FOXK1: variants seen among roughly 807,000 people sequenced by gnomAD.
FOXK1 encodes forkhead box protein K1.
In FOXK1, 19 loss-of-function variants were observed where a neutral mutation model predicts 51.9. The ratio of observed to expected loss-of-function variants is 0.37; its 90% CI spans 0.26 to 0.54. The LOEUF (loss-of-function observed/expected upper bound fraction) is 0.54, where lower values mean the gene tolerates loss of function less well. FOXK1 is among the 20% of genes least tolerant of loss of function. FOXK1 has a pLI of 0.87. For missense variants in FOXK1, 870 were observed against 1,032.7 expected (o/e 0.84, Z 2.16); for synonymous variants, 537 against 482.6 (o/e 1.11, Z -1.48).
intron 1 of FOXK1, among the ~76,000 whole-genome samples, chr7:4,695,587 A>G (rs1779941412): frequency 6.6e-6 from 1 of 151,900 alleles, no homozygotes; most frequent in African/African-American, 2.4e-5. Context: ...AGAGGATCAC[A>G]GGTCAGGAGT....
At chr7:4,746,229 T>C (rs888556837) in intron 2 of FOXK1, among the ~76,000 whole-genome samples, 6 of 152,236 alleles carry the variant, frequency 3.9e-5, no homozygotes, top group African/African-American at 1.4e-4. Context: ...CTTTTAATCA[T>C]GATTTTTAAA....
At chr7:4,727,616 A>G (rs1486005042) in intron 1 of FOXK1, among the ~76,000 whole-genome samples, 1 of 152,090 alleles carries the variant, frequency 6.6e-6, no homozygotes, top group Non-Finnish European at 1.5e-5. Flanking sequence ...GCCCGGCCTG[A>G]TTTTGCAGGT....
chr7:4,730,515 G>C lies in FOXK1; in HGVS notation c.561-10323G>C, dbSNP rs1311021122. Among the ~76,000 whole-genome samples, 1 of 152,238 alleles carries C rather than the reference G, an allele frequency of 6.6e-6. No individual in the cohort carries two copies. The highest frequency in any genetic ancestry group is 2.1e-4 in the South Asian group (1 of 4,836). ...TTGCAGGCACCAGTGCTGGTTCCGT[G>C]TCTGTCGGGGAGGGGATGGACGTTT... On this transcript the variant is annotated intron_variant, in intron 1 of 8. Coordinates refer to ENST00000328914, the MANE Select transcript of FOXK1 (RefSeq NM_001037165.2). This position sits in a 1 kb window ranked among gnomAD's most constrained non-coding sequence, Gnocchi z 4.7.
chr7:4,760,508 G>A (rs539758056), intron 7 of FOXK1, among the ~76,000 whole-genome samples: 1 of 152,312 alleles, frequency 6.6e-6, no homozygotes, highest in East Asian at 1.9e-4. Flanking sequence ...CAAGTAATAC[G>A]TTTTCTTTCT....
At chr7:4,689,557 A>G (rs1328821256) in intron 1 of FOXK1, among the ~76,000 whole-genome samples, 1 of 152,198 alleles carries the variant, frequency 6.6e-6, no homozygotes, top group Non-Finnish European at 1.5e-5. Flanking sequence ...GAACCTTGTT[A>G]CGACGTCGCA....
rs918614488 is a variant in FOXK1 at position 4,731,352 on chromosome 7, G to A, written c.561-9486G>A. Among the ~76,000 whole-genome samples, 42 of 152,234 alleles carry A rather than the reference G, an allele frequency of 2.8e-4. No individual in the cohort carries two copies. Among genetic ancestry groups the A allele is most frequent in the African/African-American group, 6.0e-4 (25 of 41,466 alleles). On this transcript the variant is annotated intron_variant, in intron 1 of 8. Coordinates refer to ENST00000328914, the MANE Select transcript of FOXK1 (RefSeq NM_001037165.2). The surrounding 1 kb of genome is among the most constrained non-coding windows in gnomAD (Gnocchi z 5.3). ...ACTTTATCGGGTATCCTAAAGACAC[G>A]TTGCAGCCTGCAAAATTCGAAAAGT...
At position 4,711,924 on chromosome 7, in the gene FOXK1, G is replaced by A. The variant is rs1465434875; in HGVS notation, c.561-28914G>A. Among the ~76,000 whole-genome samples the A allele has an allele frequency of 2.6e-5, 4 of 152,154 alleles. No homozygotes were observed. The highest frequency in any genetic ancestry group is 6.3e-3 in the Middle Eastern group (2 of 316). ...GACTATGACTCAAGGTTGAGATGGG[G>A]CAGGGACTCCGGGGGAGGGGCAGAG... On this transcript the variant is annotated intron_variant, in intron 1 of 8. Transcript: ENST00000328914. The surrounding 1 kb of genome is among the most constrained non-coding windows in gnomAD (Gnocchi z 6.3).
Position 4,715,398 on chromosome 7 carries a change from G to A in FOXK1, c.561-25440G>A, listed in dbSNP as rs999463976. ...GTGGCCCGTGTACAGGAATGGGATCGCACGGTGGTCCAGATCGTCTGTGCA... is the reference window on the plus strand; with the variant it reads ...GTGGCCCGTGTACAGGAATGGGATCACACGGTGGTCCAGATCGTCTGTGCA... On this transcript the variant is annotated intron_variant, in intron 1 of 8. Coordinates refer to ENST00000328914, the MANE Select transcript of FOXK1 (RefSeq NM_001037165.2). The surrounding 1 kb of genome is among the most constrained non-coding windows in gnomAD (Gnocchi z 4.5). Among the ~76,000 whole-genome samples the A allele has an allele frequency of 1.3e-5, 2 of 152,106 alleles. No individual in the cohort carries two copies. The highest frequency in any genetic ancestry group is 1.3e-4 in the Admixed American group (2 of 15,266).
At chr7:4,728,325 A>T (rs114942942) in intron 1 of FOXK1, among the ~76,000 whole-genome samples, 107 of 152,354 alleles carry the variant, frequency 7.0e-4, no homozygotes, top group African/African-American at 2.5e-3. Flanking sequence ...GGAATTTCCA[A>T]AGAGCACCCA....
Position 4,770,864 on chromosome 7 carries a change from GGTGTGTGTGTGTGTGTGTGTGT to G in FOXK1, c.*8417_*8438del, listed in dbSNP as rs56204828. On this transcript the variant is annotated 3_prime_UTR_variant, in exon 9 of 9. Transcript: ENST00000328914. ...AATTTGGGAGGGGCGGGTGTTGTTC[GGTGTGTGTGTGTGTGTGTGTGT>G]GTGTGTGTGTGTGTGTATTTTTTTT... The G allele has an allele frequency of 1.4e-5, 2 of 140,368 alleles. No homozygotes were observed. The highest frequency in any genetic ancestry group is 2.1e-4 in the East Asian group (1 of 4,850). The allele number at this position is 140,368 out of a possible 1,614,324, so 8.7% of individuals were successfully genotyped here.
intron 1 of FOXK1, among the ~76,000 whole-genome samples, chr7:4,717,907 A>G (rs1362236822): frequency 2.6e-5 from 4 of 152,270 alleles, no homozygotes; most frequent in Admixed American, 6.5e-5. Flanking sequence ...TTTCTATTGT[A>G]AAAGTGGGAG....
At chr7:4,698,312 GTATA>G (rs992394596) in intron 1 of FOXK1, among the ~76,000 whole-genome samples, 4 of 147,022 alleles carry the variant, frequency 2.7e-5, no homozygotes, top group Admixed American at 6.8e-5. Context: ...GTATGTGTGT[GTATA>G]TATATATATA....
chr7:4,756,177 C>T lies in FOXK1; in HGVS notation c.1050+794C>T, dbSNP rs1189185992. 4.6e-5 allele frequency among the ~76,000 whole-genome samples: 7 copies of T among 152,132 alleles called. No individual in the cohort carries two copies. The highest frequency in any genetic ancestry group is 1.9e-4 in the East Asian group (1 of 5,152). On this transcript the variant is annotated intron_variant, in intron 4 of 8. Transcript: ENST00000328914. The surrounding 1 kb of genome is among the most constrained non-coding windows in gnomAD (Gnocchi z 4.1). ...CCATCCCGGCTGGAGTGTGGTGGCGCGATCTCAGCTCACTGCAACCTTCGC... is the reference window on the plus strand; with the variant it reads ...CCATCCCGGCTGGAGTGTGGTGGCGTGATCTCAGCTCACTGCAACCTTCGC...
rs1363645551 is a variant in FOXK1 at position 4,753,046 on chromosome 7, C to T, written c.747-1413C>T. Among the ~76,000 whole-genome samples the T allele has an allele frequency of 1.3e-5, 2 of 152,186 alleles. No individual in the cohort carries two copies. The highest frequency in any genetic ancestry group is 2.4e-5 in the African/African-American group (1 of 41,448). The stretch of plus-strand genomic sequence containing the variant: ...GTGGGTGTTCATTTAAGTTTCGACA[C>T]GTGTGGAACTTACCTATCTCTGCCA... On this transcript the variant is annotated intron_variant, in intron 2 of 8. Coordinates refer to ENST00000328914, the MANE Select transcript of FOXK1 (RefSeq NM_001037165.2). The surrounding 1 kb of genome is among the most constrained non-coding windows in gnomAD (Gnocchi z 4.9).
rs755396343 is a variant in FOXK1, at chr7:4,755,276, G to A, written c.943G>A (p.Val315Met). Residue 315 changes from valine to methionine, a missense_variant, in exon 4 of 9, where the codon GTG becomes ATG. Coordinates refer to ENST00000328914, the MANE Select transcript of FOXK1 (RefSeq NM_001037165.2). This position sits in a 1 kb window ranked among gnomAD's most constrained non-coding sequence, Gnocchi z 6.6. ...GCCGTTCTCCTACGCGCAGCTGATCGTGCAGGCCATCTCCTCCGCCCAGGA... is the reference window on the plus strand; with the variant it reads ...GCCGTTCTCCTACGCGCAGCTGATCATGCAGGCCATCTCCTCCGCCCAGGA... ...KPPFSYAQLIVQAISSAQDRQ... is the reference protein window; with the variant it reads ...KPPFSYAQLIMQAISSAQDRQ... The A allele has an allele frequency of 6.8e-6, 11 of 1,613,938 alleles. No homozygotes were observed. Among genetic ancestry groups the A allele is most frequent in the East Asian group, 2.2e-5 (1 of 44,894 alleles).
chr7:4,738,696 C>G (rs2115059721), intron 1 of FOXK1, among the ~76,000 whole-genome samples: 1 of 152,288 alleles, frequency 6.6e-6, no homozygotes, highest in African/African-American at 2.4e-5. Context: ...AGCTTCTCAT[C>G]TTGGAAACAG....
At position 4,762,526 on chromosome 7, in the gene FOXK1, A is replaced by G; in HGVS notation, c.*62A>G. 5 of 1,475,848 alleles carry G rather than the reference A, an allele frequency of 3.4e-6. No homozygotes were observed. The highest frequency in any genetic ancestry group is 4.5e-6 in the Non-Finnish European group (5 of 1,104,142). 91.4% of individuals were successfully genotyped at this position (1,475,848 alleles called of 1,614,324 possible). On this transcript the variant is annotated 3_prime_UTR_variant, in exon 9 of 9. Coordinates refer to ENST00000328914, the MANE Select transcript of FOXK1 (RefSeq NM_001037165.2). This position sits in a 1 kb window ranked among gnomAD's most constrained non-coding sequence, Gnocchi z 5.7. ...CGGCGACCCCGAAGCTGGACCCGGC[A>G]GCTCAGGCGGCCGCACCCACAGACG...
rs905712560 is a variant in FOXK1 at position 4,761,846 on chromosome 7, T to A, written c.1922-338T>A. On this transcript the variant is annotated intron_variant, in intron 8 of 8. Transcript: ENST00000328914. The surrounding 1 kb of genome is among the most constrained non-coding windows in gnomAD (Gnocchi z 6.2). ...GGGGTGCAAGGGTGCTGGGCGGGGG[T>A]GCAGGGTACCAGGGCACCGGGCGCA... 6.1e-4 allele frequency among the ~76,000 whole-genome samples: 92 copies of A among 151,510 alleles called. No homozygotes were observed. Among genetic ancestry groups the A allele is most frequent in the Admixed American group, 5.0e-3 (76 of 15,210 alleles).
intron 1 of FOXK1, among the ~76,000 whole-genome samples, chr7:4,699,657 C>T (rs764320601): frequency 1.3e-5 from 2 of 152,088 alleles, no homozygotes; most frequent in Admixed American, 6.6e-5. Context: ...CATGAGCCAC[C>T]GCACCTGGCC....
Sources: gnomAD v4.1 joint callset for allele counts (sites outside exome capture counted in the v4.1 genomes callset) on GRCh38, gnomAD v4.1.1 for gene constraint, Gnocchi (gnomAD v3.1) non-coding constraint, MANE v1.5 for transcripts, NCBI Gene and HGNC (gene_info 2026-07-23, HGNC 2026-07-21) for gene names.